MB21D2: variants seen among roughly 807,000 people sequenced by gnomAD.
MB21D2 encodes Mab-21 domain containing 2.
Under a neutral mutation model 33.3 loss-of-function variants are expected in MB21D2, and 9 were observed. That is an observed-to-expected ratio of 0.27 (90% CI 0.16 to 0.47). The LOEUF (loss-of-function observed/expected upper bound fraction) is 0.47. MB21D2 is among the 20% of genes least tolerant of loss of function. MB21D2 has a pLI of 0.99. For synonymous variants in MB21D2, 241 were observed against 236.3 expected (o/e 1.02, Z -0.18); for missense variants, 540 against 624.6 (o/e 0.86, Z 1.44).
At chr3:192,888,026 T>G (rs190354071) in intron 1 of MB21D2, among the ~76,000 whole-genome samples, 2 of 152,126 alleles carry the variant, frequency 1.3e-5, no homozygotes, top group East Asian at 3.9e-4. Context: ...TAGCAAGGCT[T>G]TATTTAAATT....
chr3:192,830,828 C>G (rs1712299871), intron 1 of MB21D2, among the ~76,000 whole-genome samples: 1 of 152,148 alleles, frequency 6.6e-6, no homozygotes, highest in East Asian at 1.9e-4. Flanking sequence ...AACAGAAGAT[C>G]CAGTGGATCT....
At chr3:192,900,704 A>T (rs1025994886) in intron 1 of MB21D2, among the ~76,000 whole-genome samples, 1 of 152,066 alleles carries the variant, frequency 6.6e-6, no homozygotes, top group African/African-American at 2.4e-5. Flanking sequence ...GCACTTTAGG[A>T]GGCCGAGGCG....
intron 1 of MB21D2, among the ~76,000 whole-genome samples, chr3:192,828,895 C>T (rs1298221533): frequency 1.3e-4 from 19 of 151,580 alleles, no homozygotes; most frequent in African/African-American, 3.1e-4. Context: ...GTGATCCACC[C>T]GCCTCGGCCT....
intron 1 of MB21D2, among the ~76,000 whole-genome samples, chr3:192,884,556 A>G (rs1577195839): frequency 6.6e-6 from 1 of 151,684 alleles, no homozygotes; most frequent in Non-Finnish European, 1.5e-5. Context: ...TTTAGTAGAG[A>G]CGGGGTTTCA....
At chr3:192,913,586 G>A (rs370295475) in intron 1 of MB21D2, among the ~76,000 whole-genome samples, 12 of 152,094 alleles carry the variant, frequency 7.9e-5, no homozygotes, top group African/African-American at 2.9e-4. Flanking sequence ...CACTTTGGGA[G>A]GCCAAGCCAG....
At chr3:192,861,801 A>T (rs1577187150) in intron 1 of MB21D2, among the ~76,000 whole-genome samples, 1 of 152,168 alleles carries the variant, frequency 6.6e-6, no homozygotes, top group Admixed American at 6.5e-5. Flanking sequence ...GCAAAACTCC[A>T]TCCCAAAAAA....
chr3:192,798,918 G>A lies in MB21D2; in HGVS notation c.944C>T (p.Ala315Val). ...SLMQAYQACK[A>V]IIIKLLSRPK... ...CCGGGACAGCAGTTTAATGATGATG[G>A]CTTTGCAGGCCTGATAGGCCTGCAT... The change falls in exon 2 of 2, where the codon GCC (alanine) becomes GTC (valine). Residue 315 changes from alanine to valine, a missense_variant. Coordinates refer to ENST00000392452, the MANE Select transcript of MB21D2 (RefSeq NM_178496.4). This position sits in a 1 kb window ranked among gnomAD's most constrained non-coding sequence, Gnocchi z 4.8. 1 of 1,613,758 alleles carries A rather than the reference G, an allele frequency of 6.2e-7. No individual in the cohort carries two copies. Among genetic ancestry groups the A allele is most frequent in the Non-Finnish European group, 8.5e-7 (1 of 1,179,828 alleles).
At chr3:192,889,753 T>C (rs1713809624) in intron 1 of MB21D2, among the ~76,000 whole-genome samples, 1 of 152,132 alleles carries the variant, frequency 6.6e-6, no homozygotes, top group Non-Finnish European at 1.5e-5. Context: ...GAAAAGTGTT[T>C]TGTGAACTAT....
At chr3:192,825,162 G>C (rs1251799230) in intron 1 of MB21D2, among the ~76,000 whole-genome samples, 1 of 152,202 alleles carries the variant, frequency 6.6e-6, no homozygotes, top group African/African-American at 2.4e-5. Context: ...TTATTGTTTG[G>C]AGACAGGGAC....
At chr3:192,912,754 C>T (rs1242831657) in intron 1 of MB21D2, among the ~76,000 whole-genome samples, 1 of 152,102 alleles carries the variant, frequency 6.6e-6, no homozygotes, top group African/African-American at 2.4e-5. Flanking sequence ...TATGTCTCAC[C>T]CAAAAGTGAT....
At chr3:192,826,454 G>A (rs1712175524) in intron 1 of MB21D2, among the ~76,000 whole-genome samples, 1 of 152,238 alleles carries the variant, frequency 6.6e-6, no homozygotes, top group South Asian at 2.1e-4. Context: ...TATTTTGCCA[G>A]TTGTCTTGGG....
chr3:192,809,148 T>G (rs1711731462), intron 1 of MB21D2, among the ~76,000 whole-genome samples: 1 of 152,048 alleles, frequency 6.6e-6, no homozygotes, highest in African/African-American at 2.4e-5. Flanking sequence ...CAGGCTGGAG[T>G]GCAGTGGCAC....
At chr3:192,819,623 A>C (rs931473712) in intron 1 of MB21D2, among the ~76,000 whole-genome samples, 1 of 152,198 alleles carries the variant, frequency 6.6e-6, no homozygotes. Flanking sequence ...CATCATATCA[A>C]GCTGCCTATT....
intron 1 of MB21D2, among the ~76,000 whole-genome samples, chr3:192,866,372 C>T (rs1713168043): frequency 6.6e-6 from 1 of 152,164 alleles, no homozygotes; most frequent in Non-Finnish European, 1.5e-5. Context: ...AACAAAAGAA[C>T]ATCAATTAGA....
rs1366552373 is a variant in MB21D2 at position 192,828,634 on chromosome 3, A to C, written c.212-28984T>G. On this transcript the variant is annotated intron_variant, in intron 1 of 1. Coordinates refer to ENST00000392452, the MANE Select transcript of MB21D2 (RefSeq NM_178496.4). ...TATATATATATATATATATATATAT[A>C]TATATATATATATATATATATATAT... Among the ~76,000 whole-genome samples, 2 of 39,930 alleles carry C rather than the reference A, an allele frequency of 5.0e-5. 1 individual carries two copies. Among genetic ancestry groups the C allele is most frequent in the African/African-American group, 2.7e-4 (2 of 7,466 alleles). The allele number at this position is 39,930 out of a possible 152,430, so 26.2% of individuals were successfully genotyped here.
chr3:192,807,801 C>T (rs1256455057), intron 1 of MB21D2, among the ~76,000 whole-genome samples: 1 of 152,080 alleles, frequency 6.6e-6, no homozygotes, highest in African/African-American at 2.4e-5. Flanking sequence ...AAACATACAC[C>T]ACCCCCACTG....
intron 1 of MB21D2, among the ~76,000 whole-genome samples, chr3:192,914,161 T>C (rs1260959494): frequency 7.2e-5 from 11 of 152,152 alleles, no homozygotes; most frequent in Non-Finnish European, 1.2e-4. Context: ...TGAGTTTCAG[T>C]AGCATCTCTA....
At chr3:192,821,537 T>C (rs73060265) in intron 1 of MB21D2, among the ~76,000 whole-genome samples, 11,463 of 152,258 alleles carry the variant, frequency 0.075, 1,464 homozygotes, top group African/African-American at 0.26. Flanking sequence ...AGAGGCAAGT[T>C]CTCAGTCCAG....
At chr3:192,860,784 G>T (rs747840777) in intron 1 of MB21D2, among the ~76,000 whole-genome samples, 1 of 152,144 alleles carries the variant, frequency 6.6e-6, no homozygotes, top group African/African-American at 2.4e-5. Context: ...AGCTAATCCA[G>T]ACACATCTGA....
Sources: gnomAD v4.1 joint callset for allele counts (sites outside exome capture counted in the v4.1 genomes callset) on GRCh38, gnomAD v4.1.1 for gene constraint, Gnocchi (gnomAD v3.1) non-coding constraint, MANE v1.5 for transcripts, NCBI Gene and HGNC (gene_info 2026-07-23, HGNC 2026-07-21) for gene names.